UCHL1: variants seen among roughly 807,000 people sequenced by gnomAD.
The protein encoded by UCHL1 is ubiquitin carboxyl-terminal hydrolase isozyme L1.
Under a neutral mutation model 33.3 loss-of-function variants are expected in UCHL1, and 5 were observed. That is an observed-to-expected ratio of 0.15 (90% CI 0.08 to 0.32). The LOEUF is 0.32. Ranked by LOEUF, UCHL1 falls within the 10% of genes least tolerant of loss-of-function variation. The pLI, the probability that UCHL1 is intolerant of heterozygous loss-of-function variation, is 1.00. For missense variants in UCHL1, 236 were observed against 280.0 expected (o/e 0.84, Z 1.12); for synonymous variants, 132 against 108.8 (o/e 1.21, Z -1.33).
rs191016517 is a variant in UCHL1, at chr4:41,258,829, T to C, written c.174+1092T>C. 5.3e-5 allele frequency among the ~76,000 whole-genome samples: 8 copies of C among 152,348 alleles called. No individual in the cohort carries two copies. The East Asian group carries it at 1.5e-3, about 29-fold the overall frequency. ...AATAAGATGATCTCACTGACATGTT[T>C]TTATTGCTAAAGTCTTTTACTTGGG... On this transcript the variant is annotated intron_variant, in intron 3 of 8. Transcript: ENST00000284440.
chr4:41,265,583 GAA>G (rs112540703), intron 8 of UCHL1, among the ~76,000 whole-genome samples: 4 of 151,652 alleles, frequency 2.6e-5, no homozygotes, highest in African/African-American at 7.3e-5. Context: ...TGTCTCAGAA[GAA>G]AAAAAAGAAA....
intron 2 of UCHL1, chr4:41,257,350 C>T (rs1780994195): frequency 2.1e-6 from 2 of 931,368 alleles, no homozygotes; most frequent in African/African-American, 1.7e-5. Flanking sequence ...CCGTGGCGAG[C>T]GAGCGCCAGG....
chr4:41,268,133 C>A lies in UCHL1; in HGVS notation c.*60C>A. On this transcript the variant is annotated 3_prime_UTR_variant, in exon 9 of 9. Transcript: ENST00000284440. ...TTCCCTTCAACATGAAAATATATAC[C>A]CCCCCATGCAGTCTAAAATGCTTCA... is the stretch of plus-strand genomic sequence containing the variant. 6.8e-7 allele frequency: 1 copy of A among 1,467,314 alleles called. No homozygotes were observed. Among genetic ancestry groups the A allele is most frequent in the Non-Finnish European group, 9.4e-7 (1 of 1,058,204 alleles). 90.9% of individuals were successfully genotyped at this position (1,467,314 alleles called of 1,614,324 possible). A position where few individuals can be genotyped will look rare whatever the true frequency, so the allele number is the denominator to read the frequency against.
intron 8 of UCHL1, among the ~76,000 whole-genome samples, chr4:41,266,107 G>A (rs1280422735): frequency 6.6e-6 from 1 of 152,058 alleles, no homozygotes; most frequent in East Asian, 1.9e-4. Flanking sequence ...GAGATGGGGC[G>A]GGGAGGGACT....
intron 2 of UCHL1, chr4:41,257,383 CG>C: frequency 2.3e-6 from 2 of 882,702 alleles, no homozygotes; most frequent in Non-Finnish European, 3.3e-6. Flanking sequence ...GGGCGTGGCG[CG>C]GGCAGCACAG....
intron 8 of UCHL1, among the ~76,000 whole-genome samples, chr4:41,265,628 C>T (rs1194716591): frequency 6.6e-6 from 1 of 152,136 alleles, no homozygotes; most frequent in Non-Finnish European, 1.5e-5. Context: ...GTGTTCTTAG[C>T]CATTGTACAA....
intron 3 of UCHL1, among the ~76,000 whole-genome samples, chr4:41,260,321 G>A (rs1781050596): frequency 6.6e-6 from 1 of 152,208 alleles, no homozygotes; most frequent in Non-Finnish European, 1.5e-5. Context: ...TAATGAATTG[G>A]TTTCTTTGTT....
intron 6 of UCHL1, 144 bp downstream of exon 6, chr4:41,262,067 C>CT (rs1229598570): frequency 8.4e-7 from 1 of 1,186,940 alleles, no homozygotes; most frequent in African/African-American, 1.5e-5. Context: ...CCAAATAATG[C>CT]TTTGACTAGA....
chr4:41,260,550 C>A (rs1038533943), intron 3 of UCHL1, 97 bp from the exon 4 acceptor site: 2 of 1,439,246 alleles, frequency 1.4e-6, no homozygotes, highest in Non-Finnish European at 1.9e-6. Context: ...GGTCACACAT[C>A]CCACTGGTGT....
rs752225914 is a variant in UCHL1, at chr4:41,268,139, A to T, written c.*66A>T. 3.5e-6 allele frequency: 5 copies of T among 1,427,140 alleles called. No homozygotes were observed. The South Asian group carries it at 6.0e-5, about 17-fold the overall frequency. 88.4% of individuals were successfully genotyped at this position (1,427,140 alleles called of 1,614,324 possible). A position where few individuals can be genotyped will look rare whatever the true frequency, so the allele number is the denominator to read the frequency against. ...TCAACATGAAAATATATACCCCCCCATGCAGTCTAAAATGCTTCAGTACTT... is the reference window on the plus strand; with the variant it reads ...TCAACATGAAAATATATACCCCCCCTTGCAGTCTAAAATGCTTCAGTACTT... On this transcript the variant is annotated 3_prime_UTR_variant, in exon 9 of 9. Transcript: ENST00000284440.
rs772252224 is a variant in UCHL1, at chr4:41,260,786, A to C, written c.314A>C (p.Lys105Thr). The change falls in exon 4 of 9, where the codon AAA becomes ACA. Residue 105 changes from lysine to threonine, a missense_variant. Physicochemically the swap from Lys to Thr is moderately conservative, Grantham distance 78. Coordinates refer to ENST00000284440, the MANE Select transcript of UCHL1 (RefSeq NM_004181.5). The part of the protein sequence containing the change: ...LIHAVANNQD[K>T]LGFEDGSVLK... ...CACGCAGTGGCCAATAATCAAGACA[A>C]ACTGGGATTTGGTAGGTGTGGGTTT... The C allele has an allele frequency of 1.9e-6, 3 of 1,614,158 alleles. No individual in the cohort carries two copies.
Position 41,261,894 on chromosome 4 carries a change from GATGCCGTGGC to G in UCHL1, c.432_441del (p.Ala145ArgfsTer7), listed in dbSNP as rs1781074243. ...TCCGCAGGCCATACAGGCAGCCCAT[GATGCCGTGGC>G]ACAGGAAGGCCAATGTCGGGTAAAT... On this transcript the variant is annotated frameshift_variant, in exon 6 of 9. Coordinates refer to ENST00000284440, the MANE Select transcript of UCHL1 (RefSeq NM_004181.5). LOFTEE classifies it high-confidence loss of function. 6.2e-7 allele frequency: 1 copy of G among 1,614,028 alleles called. No individual in the cohort carries two copies. The highest frequency in any genetic ancestry group is 8.5e-7 in the Non-Finnish European group (1 of 1,180,036).
At chr4:41,257,428 T>G (rs2154087082) in intron 2 of UCHL1, 181 bp from the exon 3 acceptor site, 5 of 976,356 alleles carry the variant, frequency 5.1e-6, no homozygotes, top group South Asian at 2.0e-5. Flanking sequence ...GCGCCACGTG[T>G]GGGCCGCGCT....
rs116019152 is a variant in UCHL1, at chr4:41,265,349, G to T, written c.585+1188G>T. Among the ~76,000 whole-genome samples, 482 of 152,286 alleles carry T rather than the reference G, an allele frequency of 3.2e-3. 3 individuals carry two copies. The highest frequency in any genetic ancestry group is 0.011 in the African/African-American group (466 of 41,552). ...ATCCCAGCACTTGGGAGGCTGACGC[G>T]GGAGGATTGCTTGAGCTCAGGAGTT... On this transcript the variant is annotated intron_variant, in intron 8 of 8. Transcript: ENST00000284440.
intron 3 of UCHL1, among the ~76,000 whole-genome samples, chr4:41,259,623 T>A (rs1781038824): frequency 6.6e-6 from 1 of 152,166 alleles, no homozygotes; most frequent in Non-Finnish European, 1.5e-5. Context: ...TGGAAATAGG[T>A]TTCTGATGGT....
At chr4:41,259,952 T>C (rs1335399929) in intron 3 of UCHL1, among the ~76,000 whole-genome samples, 1 of 152,180 alleles carries the variant, frequency 6.6e-6, no homozygotes, top group African/African-American at 2.4e-5. Flanking sequence ...GTCCGATTCA[T>C]TTACCAGTCT....
intron 8 of UCHL1, among the ~76,000 whole-genome samples, chr4:41,265,481 G>T (rs1313800834): frequency 6.6e-6 from 1 of 152,174 alleles, no homozygotes; most frequent in Non-Finnish European, 1.5e-5. Flanking sequence ...GGGAGGCTGA[G>T]GCACAAGAAT....
Position 41,268,367 on chromosome 4 carries a change from G to A in UCHL1, c.*294G>A, listed in dbSNP as rs116700032. The A allele has an allele frequency of 1.5e-3, 684 of 455,752 alleles. 4 individuals carry two copies. The highest frequency in any genetic ancestry group is 0.012 in the African/African-American group (630 of 51,246). The allele number at this position is 455,752 out of a possible 1,614,324, so 28.2% of individuals were successfully genotyped here. A position where few individuals can be genotyped will look rare whatever the true frequency, so the allele number is the denominator to read the frequency against. On this transcript the variant is annotated 3_prime_UTR_variant, in exon 9 of 9. Coordinates refer to ENST00000284440, the MANE Select transcript of UCHL1 (RefSeq NM_004181.5). ...ACTTTGGTTTCTGTCTGTAAGTTAA[G>A]ACCTTGGATGTGGTTTAATTGTTTG...
Position 41,268,251 on chromosome 4 carries a change from G to C in UCHL1, c.*178G>C, listed in dbSNP as rs977780391. On this transcript the variant is annotated 3_prime_UTR_variant, in exon 9 of 9. Transcript: ENST00000284440. ...TTAAGCACAAGCAGAGTGCACAGCT[G>C]TCCACTGGGCCATTGTGGTGTGAGC... 82 of 654,630 alleles carry C rather than the reference G, an allele frequency of 1.3e-4. No individual in the cohort carries two copies. Among genetic ancestry groups the C allele is most frequent in the African/African-American group, 1.1e-3 (62 of 56,118 alleles). The allele number at this position is 654,630 out of a possible 1,614,324, so 40.6% of individuals were successfully genotyped here.
Sources: allele counts gnomAD v4.1 joint callset (sites outside exome capture counted in the v4.1 genomes callset), GRCh38; gene constraint gnomAD v4.1.1; transcripts MANE v1.5; gene names NCBI Gene and HGNC (gene_info 2026-07-23, HGNC 2026-07-21).